NUDT5: variants seen among roughly 807,000 people sequenced by gnomAD.
The protein encoded by NUDT5 is ADP-sugar pyrophosphatase.
Under a neutral mutation model 34.1 loss-of-function variants are expected in NUDT5, and 21 were observed. That is an observed-to-expected ratio of 0.62 (90% CI 0.44 to 0.89). The LOEUF (loss-of-function observed/expected upper bound fraction) is 0.89, where lower values mean the gene tolerates loss of function less well. Among genes scored for constraint, NUDT5 ranks in the 40% least tolerant of loss-of-function variants. NUDT5 has a pLI of 0.00. For synonymous variants in NUDT5, 85 were observed against 97.6 expected, an observed-to-expected ratio of 0.87 and a Z score of 0.76; for missense variants, 249 against 274.8, an observed-to-expected ratio of 0.91 and a Z score of 0.66.
Position 12,173,855 on chromosome 10 carries a change from G to A in NUDT5, c.290-42C>T, listed in dbSNP as rs1283534720. The A allele has an allele frequency of 2.8e-6, 4 of 1,423,648 alleles. No individual in the cohort carries two copies. Among genetic ancestry groups the A allele is most frequent in the Middle Eastern group, 1.8e-4 (1 of 5,524 alleles). The allele number at this position is 1,423,648 out of a possible 1,614,324, so 88.2% of individuals were successfully genotyped here. On this transcript the variant is annotated intron_variant, in intron 5 of 9. Coordinates refer to ENST00000491614, the MANE Select transcript of NUDT5 (RefSeq NM_014142.4). The surrounding 1 kb of genome is among the most constrained non-coding windows in gnomAD (Gnocchi z 4.7). ...TTGGTGTGATGGGAGCGGGAAATCC[G>A]GTTCTTTAAACCCTCCTTTTTTTTT...
At position 12,167,687 on chromosome 10, in the gene NUDT5, G is replaced by A; in HGVS notation, c.*15C>T. 4.3e-6 allele frequency: 7 copies of A among 1,612,576 alleles called. No homozygotes were observed. The South Asian group carries it at 7.7e-5, about 18-fold the overall frequency. ...GTGGTCTCGTTTACAAAAATGGCCAGTGTCATATTTGGGCTTAAAATTTCA... is the reference window on the plus strand; with the variant it reads ...GTGGTCTCGTTTACAAAAATGGCCAATGTCATATTTGGGCTTAAAATTTCA... On this transcript the variant is annotated 3_prime_UTR_variant, in exon 10 of 10. Transcript: ENST00000491614.
chr10:12,175,599 G>A lies in NUDT5; in HGVS notation c.290-1786C>T, dbSNP rs1011369943. On this transcript the variant is annotated intron_variant, in intron 5 of 9. Transcript: ENST00000491614. This position sits in a 1 kb window ranked among gnomAD's most constrained non-coding sequence, Gnocchi z 4.8. Reference sequence around the variant, plus strand: ...CAAGGCTGCAGTGAGCTGTGATTGTGCCACTGCACTCCAACATGGGCAACA... The same window carrying A: ...CAAGGCTGCAGTGAGCTGTGATTGTACCACTGCACTCCAACATGGGCAACA... Among the ~76,000 whole-genome samples the A allele has an allele frequency of 1.3e-5, 2 of 152,098 alleles. No individual in the cohort carries two copies. Among genetic ancestry groups the A allele is most frequent in the Admixed American group, 6.6e-5 (1 of 15,262 alleles).
intron 1 of NUDT5, among the ~76,000 whole-genome samples, chr10:12,191,064 G>A (rs1169301469): frequency 6.6e-6 from 1 of 152,144 alleles, no homozygotes; most frequent in African/African-American, 2.4e-5. Context: ...TGGTTCTCAA[G>A]CTCCTCCTCC....
chr10:12,174,833 T>C (rs1024073207), intron 5 of NUDT5, among the ~76,000 whole-genome samples: 3 of 152,116 alleles, frequency 2.0e-5, no homozygotes, highest in African/African-American at 7.2e-5. Flanking sequence ...TCCTCACACG[T>C]AGGATGCTGA....
rs1181198942 is a variant in NUDT5 at position 12,165,769 on chromosome 10, G to A, written c.*1933C>T. ...GTTTCTTAGGTGTGGTATGTCTTAC[G>A]TAGCTTATGCTTACAAAGCCAAATA... On this transcript the variant is annotated 3_prime_UTR_variant, in exon 10 of 10. Coordinates refer to ENST00000491614, the MANE Select transcript of NUDT5 (RefSeq NM_014142.4). 6.6e-6 allele frequency: 1 copy of A among 152,158 alleles called. No individual in the cohort carries two copies. Among genetic ancestry groups the A allele is most frequent in the African/African-American group, 2.4e-5 (1 of 41,432 alleles). 9.4% of individuals were successfully genotyped at this position (152,158 alleles called of 1,614,324 possible).
chr10:12,169,622 T>G lies in NUDT5; in HGVS notation c.550+1095A>C. 2 of 274,290 alleles carry G rather than the reference T, an allele frequency of 7.3e-6. No individual in the cohort carries two copies. Among genetic ancestry groups the G allele is most frequent in the Non-Finnish European group, 1.4e-5 (2 of 147,522 alleles). 17.0% of individuals were successfully genotyped at this position (274,290 alleles called of 1,614,324 possible). ...TAACTCTGGCTTTGAGCTGTCGAGG[T>G]GGCTTCTACCTTAGGTCTAGTTTTT... On this transcript the variant is annotated intron_variant, in intron 9 of 9. Coordinates refer to ENST00000491614, the MANE Select transcript of NUDT5 (RefSeq NM_014142.4). The surrounding 1 kb of genome is among the most constrained non-coding windows in gnomAD (Gnocchi z 4.8).
chr10:12,191,538 A>G (rs1835231230), intron 1 of NUDT5, among the ~76,000 whole-genome samples: 1 of 152,222 alleles, frequency 6.6e-6, no homozygotes, highest in Non-Finnish European at 1.5e-5. Flanking sequence ...CTGCAGGCCA[A>G]CAAAGCACAC....
Position 12,187,411 on chromosome 10 carries a change from C to T in NUDT5, c.-41-1079G>A, listed in dbSNP as rs1835148466. Among the ~76,000 whole-genome samples, 1 of 152,218 alleles carries T rather than the reference C, an allele frequency of 6.6e-6. No individual in the cohort carries two copies. The highest frequency in any genetic ancestry group is 2.4e-5 in the African/African-American group (1 of 41,458). Reference sequence around the variant, plus strand: ...AAAGGATCGAGTAGTACTACAAGTTCTGTTATGAAAAGAGCAGGCCCTTAT... The same window carrying T: ...AAAGGATCGAGTAGTACTACAAGTTTTGTTATGAAAAGAGCAGGCCCTTAT... On this transcript the variant is annotated intron_variant, in intron 1 of 9. Transcript: ENST00000491614. The surrounding 1 kb of genome is among the most constrained non-coding windows in gnomAD (Gnocchi z 5.4).
rs1351791477 is a variant in NUDT5 at position 12,168,576 on chromosome 10, C to G, written c.551-765G>C. Among the ~76,000 whole-genome samples, 1 of 152,146 alleles carries G rather than the reference C, an allele frequency of 6.6e-6. No individual in the cohort carries two copies. The highest frequency in any genetic ancestry group is 1.5e-5 in the Non-Finnish European group (1 of 68,030). Reference sequence around the variant, plus strand: ...TCAGGACCTTATTACCACAGGCTTTCATTAAAATTTGTTTCACTCAGATGG... The same window carrying G: ...TCAGGACCTTATTACCACAGGCTTTGATTAAAATTTGTTTCACTCAGATGG... On this transcript the variant is annotated intron_variant, in intron 9 of 9. Transcript: ENST00000491614. The surrounding 1 kb of genome is among the most constrained non-coding windows in gnomAD (Gnocchi z 4.8).
rs1357741214 is a variant in NUDT5 at position 12,172,785 on chromosome 10, G to C, written c.467C>G (p.Ala156Gly). 1 of 1,614,078 alleles carries C rather than the reference G, an allele frequency of 6.2e-7. No homozygotes were observed. Among genetic ancestry groups the C allele is most frequent in the Non-Finnish European group, 8.5e-7 (1 of 1,179,910 alleles). The change falls in exon 7 of 10, where the codon GCA becomes GGA. Residue 156 changes from alanine (A) to glycine (G), a missense_variant. Ala to Gly is a moderately conservative substitution (Grantham distance 60). Transcript: ENST00000491614. ...CATACCTGGCTTTGGCTTCGGCCTT[G>C]CGTTTTCGGCATCATCTCCGTTAAT... is the stretch of plus-strand genomic sequence containing the variant. ...VTINGDDAEN[A>G]RPKPKPGDGE...
intron 1 of NUDT5, among the ~76,000 whole-genome samples, chr10:12,193,310 T>C (rs1212016727): frequency 1.3e-5 from 2 of 152,126 alleles, no homozygotes; most frequent in African/African-American, 2.4e-5. Flanking sequence ...TTTGAGGTGA[T>C]AGCAGACATC....
chr10:12,174,430 C>T lies in NUDT5; in HGVS notation c.290-617G>A, dbSNP rs563609426. Among the ~76,000 whole-genome samples the T allele has an allele frequency of 3.9e-5, 6 of 152,066 alleles. No homozygotes were observed. In the South Asian group the frequency reaches 1.2e-3, roughly 32 times the overall value. On this transcript the variant is annotated intron_variant, in intron 5 of 9. Coordinates refer to ENST00000491614, the MANE Select transcript of NUDT5 (RefSeq NM_014142.4). ...CACAGGTACACACCACCATGCTCGGCTAATTTTTGTATTTGTAGTAGAGGC... is the reference window on the plus strand; with the variant it reads ...CACAGGTACACACCACCATGCTCGGTTAATTTTTGTATTTGTAGTAGAGGC...
At chr10:12,167,938 T>C in intron 9 of NUDT5, 127 bp from the exon 10 acceptor site, 2 of 475,726 alleles carry the variant, frequency 4.2e-6, no homozygotes, top group Middle Eastern at 4.6e-4. Flanking sequence ...GGTGATAACG[T>C]TTTTTTTGGT....
rs966605773 is a variant in NUDT5, at chr10:12,168,643, C to A, written c.551-832G>T. Among the ~76,000 whole-genome samples, 1 of 152,192 alleles carries A rather than the reference C, an allele frequency of 6.6e-6. No homozygotes were observed. The highest frequency in any genetic ancestry group is 2.4e-5 in the African/African-American group (1 of 41,452). On this transcript the variant is annotated intron_variant, in intron 9 of 9. Coordinates refer to ENST00000491614, the MANE Select transcript of NUDT5 (RefSeq NM_014142.4). This position sits in a 1 kb window ranked among gnomAD's most constrained non-coding sequence, Gnocchi z 4.8. ...AATCAGCCTCTTGTTTTCCTAGCCG[C>A]TTGTTTGGGAACAAGCCTGGGGACA...
At position 12,175,252 on chromosome 10, in the gene NUDT5, G is replaced by A. The variant is rs1401625604; in HGVS notation, c.290-1439C>T. On this transcript the variant is annotated intron_variant, in intron 5 of 9. Coordinates refer to ENST00000491614, the MANE Select transcript of NUDT5 (RefSeq NM_014142.4). The surrounding 1 kb of genome is among the most constrained non-coding windows in gnomAD (Gnocchi z 4.8). ...GGAGAATCGCTTGACCCTGTTAGGC[G>A]GAGGTTGCAGTGAGCTGAAATCGTG... 1.3e-5 allele frequency among the ~76,000 whole-genome samples: 2 copies of A among 152,026 alleles called. No individual in the cohort carries two copies. The highest frequency in any genetic ancestry group is 2.4e-5 in the African/African-American group (1 of 41,390).
In NUDT5 at chr10:12,166,743, C is replaced by T. The variant is rs1275526061; in HGVS notation, c.*959G>A. The T allele has an allele frequency of 2.0e-6, 1 of 508,058 alleles. No homozygotes were observed. The highest frequency in any genetic ancestry group is 2.1e-5 in the Admixed American group (1 of 47,616). The allele number at this position is 508,058 out of a possible 1,614,324, so 31.5% of individuals were successfully genotyped here. A position where few individuals can be genotyped will look rare whatever the true frequency, so the allele number is the denominator to read the frequency against. On this transcript the variant is annotated 3_prime_UTR_variant, in exon 10 of 10. Transcript: ENST00000491614. ...GGAAAATCATGGAGCTGCTGGAGGC[C>T]CTAAAAGTCAACACAAAAAGAGCTA...
chr10:12,166,486 T>C lies in NUDT5; in HGVS notation c.*1216A>G, dbSNP rs1324048118. On this transcript the variant is annotated 3_prime_UTR_variant, in exon 10 of 10. Coordinates refer to ENST00000491614, the MANE Select transcript of NUDT5 (RefSeq NM_014142.4). ...ATTGTTTTATCTTTAGGAAGTCCAG[T>C]GTAAAGATCTTACAGTTTCACTCAT... is the stretch of plus-strand genomic sequence containing the variant. The C allele has an allele frequency of 7.5e-6, 2 of 267,332 alleles. No homozygotes were observed. Among genetic ancestry groups the C allele is most frequent in the East Asian group, 9.9e-5 (1 of 10,140 alleles). The allele number at this position is 267,332 out of a possible 1,614,324, so 16.6% of individuals were successfully genotyped here.
chr10:12,192,209 C>T (rs1200103516), intron 1 of NUDT5, among the ~76,000 whole-genome samples: 1 of 151,780 alleles, frequency 6.6e-6, no homozygotes, highest in Admixed American at 6.6e-5. Context: ...GGAGCTGAGG[C>T]AGGAGAATCG....
At position 12,173,711 on chromosome 10, in the gene NUDT5, T is replaced by C. The variant is rs375020751; in HGVS notation, c.385+7A>G. ...CATCACTTGGTGAATTTTCAAGCAA[T>C]ACCAACCTGGAGAACATTCGGCAAT... is the stretch of plus-strand genomic sequence containing the variant. On this transcript the variant is annotated splice_region_variant and intron_variant, in intron 6 of 9. Coordinates refer to ENST00000491614, the MANE Select transcript of NUDT5 (RefSeq NM_014142.4). This position sits in a 1 kb window ranked among gnomAD's most constrained non-coding sequence, Gnocchi z 4.7. 2.5e-6 allele frequency: 4 copies of C among 1,608,462 alleles called. No individual in the cohort carries two copies. The highest frequency in any genetic ancestry group is 4.5e-5 in the East Asian group (2 of 44,846).
Sources: gnomAD v4.1 joint callset for allele counts (sites outside exome capture counted in the v4.1 genomes callset) on GRCh38, gnomAD v4.1.1 for gene constraint, Gnocchi (gnomAD v3.1) non-coding constraint, MANE v1.5 for transcripts, NCBI Gene and HGNC (gene_info 2026-07-23, HGNC 2026-07-21) for gene names.